Variants in TMEM165 observed in about 807,000 individuals in gnomAD.
The protein encoded by TMEM165 is putative divalent cation/proton antiporter TMEM165.
In TMEM165, 19 loss-of-function variants were observed where a neutral mutation model predicts 30.0. The ratio of observed to expected loss-of-function variants is 0.63; its 90% CI spans 0.44 to 0.93. TMEM165 has a LOEUF of 0.93. Ranked by LOEUF, TMEM165 falls within the 40% of genes least tolerant of loss-of-function variation. TMEM165 has a pLI of 0.00. For synonymous variants in TMEM165, 168 were observed against 162.9 expected, an observed-to-expected ratio of 1.03 and a Z score of -0.24; for missense variants, 340 against 417.0, an observed-to-expected ratio of 0.82 and a Z score of 1.61.
chr4:55,405,829 T>C (rs575237458), intron 1 of TMEM165, among the ~76,000 whole-genome samples: 25 of 152,208 alleles, frequency 1.6e-4, no homozygotes, highest in Non-Finnish European at 2.9e-4. Context: ...CACAAAAATA[T>C]GTAATGACTT....
chr4:55,440,675 C>T (rs761042933), intron 3 of TMEM165, among the ~76,000 whole-genome samples: 9 of 152,206 alleles, frequency 5.9e-5, no homozygotes, highest in Admixed American at 2.0e-4. Flanking sequence ...CACAGAAGTA[C>T]TAAGTGCTGA....
At chr4:55,438,148 CT>C (rs1723039541) in intron 3 of TMEM165, 1 of 1,189,078 alleles carries the variant, frequency 8.4e-7, no homozygotes. Flanking sequence ...AGCTTTCTAT[CT>C]TTGTAGAGAT....
At chr4:55,396,841 C>T (rs1720749029) in intron 1 of TMEM165, among the ~76,000 whole-genome samples, 1 of 152,178 alleles carries the variant, frequency 6.6e-6, no homozygotes, top group Admixed American at 6.5e-5. Context: ...TTGGCACTGC[C>T]TGTGCTTTTT....
chr4:55,448,869 C>T, intron 3 of TMEM165: 1 of 1,610,900 alleles, frequency 6.2e-7, no homozygotes, highest in Non-Finnish European at 8.5e-7. Flanking sequence ...AATTTATGGA[C>T]TAGAGCAAAA....
At chr4:55,448,606 G>T (rs1349318662) in intron 3 of TMEM165, among the ~76,000 whole-genome samples, 1 of 40,802 alleles carries the variant, frequency 2.5e-5, no homozygotes, top group African/African-American at 2.3e-4. Context: ...GCGCGCGTGT[G>T]TGTGTGTGTG....
rs556470425 is a variant in TMEM165 at position 55,404,689 on chromosome 4, C to T, written c.208-6925C>T. ...TTGGCCTCAAGCAGTCCTCCTGCAT[C>T]GGCCTCCCAAAGTGCTGGGATTATA... On this transcript the variant is annotated intron_variant, in intron 1 of 5. Coordinates refer to ENST00000381334, the MANE Select transcript of TMEM165 (RefSeq NM_018475.5). 1.6e-4 allele frequency among the ~76,000 whole-genome samples: 24 copies of T among 152,210 alleles called. No homozygotes were observed. In the East Asian group the frequency reaches 3.3e-3, roughly 21 times the overall value.
intron 3 of TMEM165, chr4:55,435,249 T>C: frequency 2.7e-6 from 2 of 746,322 alleles, no homozygotes; most frequent in South Asian, 3.4e-5. Flanking sequence ...TGTACATCTG[T>C]AGCACTAGGC....
intron 3 of TMEM165, among the ~76,000 whole-genome samples, chr4:55,450,943 T>A (rs1724387420): frequency 6.6e-6 from 1 of 152,034 alleles, no homozygotes; most frequent in South Asian, 2.1e-4. Flanking sequence ...GTTTCATAGT[T>A]TCATACAGCG....
At chr4:55,441,847 T>C (rs972169465) in intron 3 of TMEM165, among the ~76,000 whole-genome samples, 1 of 152,204 alleles carries the variant, frequency 6.6e-6, no homozygotes, top group African/African-American at 2.4e-5. Context: ...AAAACCTTCC[T>C]GTAATATATG....
intron 5 of TMEM165, chr4:55,424,946 AC>A (rs1560399074): frequency 1.0e-5 from 4 of 387,148 alleles, no homozygotes; most frequent in Non-Finnish European, 1.9e-5. Context: ...AATGTGTCTT[AC>A]AAGACTGGAA....
intron 1 of TMEM165, among the ~76,000 whole-genome samples, chr4:55,404,606 AT>A (rs59931550): frequency 0.1 from 15,250 of 149,650 alleles, 2,624 homozygotes; most frequent in African/African-American, 0.36. Context: ...TATTTATTTT[AT>A]TTTTTTTTTT....
intron 3 of TMEM165, among the ~76,000 whole-genome samples, chr4:55,441,008 C>T (rs1004873838): frequency 6.6e-6 from 1 of 152,174 alleles, no homozygotes; most frequent in Admixed American, 6.5e-5. Context: ...AAAAACTGCT[C>T]ACTTCCTCCT....
chr4:55,396,053 G>A lies in TMEM165; in HGVS notation c.-137G>A. 3.2e-6 allele frequency: 2 copies of A among 625,038 alleles called. No individual in the cohort carries two copies. Among genetic ancestry groups the A allele is most frequent in the East Asian group, 3.8e-5 (1 of 26,456 alleles). The allele number at this position is 625,038 out of a possible 1,614,324, so 38.7% of individuals were successfully genotyped here. On this transcript the variant is annotated 5_prime_UTR_variant, in exon 1 of 6. Coordinates refer to ENST00000381334, the MANE Select transcript of TMEM165 (RefSeq NM_018475.5). ...CTCACTCCCGCTGCTTGCACCTCCC[G>A]GATGGTGCTGACTGCTCCCTAAGCG...
intron 4 of TMEM165, chr4:55,423,801 C>T (rs1050945295): frequency 2.0e-5 from 3 of 152,348 alleles, no homozygotes; most frequent in Non-Finnish European, 4.4e-5. Flanking sequence ...ACAGTTTAAA[C>T]TCCAAGATGA....
At chr4:55,444,767 A>C in intron 3 of TMEM165, 1 of 1,614,018 alleles carries the variant, frequency 6.2e-7, no homozygotes, top group Non-Finnish European at 8.5e-7. Context: ...ATGGCTCCTA[A>C]TTGAGCTGAA....
chr4:55,412,892 G>T (rs1412202808), intron 2 of TMEM165, among the ~76,000 whole-genome samples: 1 of 151,894 alleles, frequency 6.6e-6, no homozygotes, highest in Non-Finnish European at 1.5e-5. Context: ...AGTACTCAAA[G>T]AAAATATATT....
intron 1 of TMEM165, among the ~76,000 whole-genome samples, chr4:55,405,720 C>T (rs1260623627): frequency 6.6e-6 from 1 of 152,054 alleles, no homozygotes. Flanking sequence ...TGTCTTAACA[C>T]GGGTTTCATG....
downstream of TMEM165, among the ~76,000 whole-genome samples, chr4:55,427,273 T>A (rs531151566): frequency 6.6e-6 from 1 of 151,018 alleles, no homozygotes; most frequent in Non-Finnish European, 1.5e-5. Context: ...CCTGACCTTA[T>A]GATCCGCCCA....
intron 1 of TMEM165, 151 bp from the exon 2 acceptor site, chr4:55,411,463 G>A (rs552170185): frequency 1.9e-5 from 13 of 673,452 alleles, no homozygotes; most frequent in Admixed American, 8.6e-5. Context: ...AGAGGTTACC[G>A]TCGTTACTGA....
Sources: gnomAD v4.1 joint callset for allele counts (sites outside exome capture counted in the v4.1 genomes callset) on GRCh38, gnomAD v4.1.1 for gene constraint, MANE v1.5 for transcripts, NCBI Gene and HGNC (gene_info 2026-07-23, HGNC 2026-07-21) for gene names.